The following SOS1 variants were observed in gnomAD, a reference collection of about 807,000 sequenced individuals.
SOS1 encodes the protein SOS Ras/Rac guanine nucleotide exchange factor 1.
A neutral mutation model predicts 157.6 loss-of-function variants in SOS1; 25 were observed. The ratio of observed to expected loss-of-function variants is 0.16; its 90% CI spans 0.12 to 0.22. SOS1 has a LOEUF of 0.22. Ranked by LOEUF, SOS1 falls within the 10% of genes least tolerant of loss-of-function variation. SOS1 has a pLI of 1.00. For missense variants in SOS1, 1,237 were observed against 1,599.1 expected, an observed-to-expected ratio of 0.77 and a Z score of 3.86; for synonymous variants, 528 against 534.0, an observed-to-expected ratio of 0.99 and a Z score of 0.16.
chr2:39,110,039 C>CGCGCGT (rs1553371510), intron 1 of SOS1, among the ~76,000 whole-genome samples: 1 of 135,420 alleles, frequency 7.4e-6, no homozygotes, highest in African/African-American at 2.9e-5. Flanking sequence ...TGTGTGTGTG[C>CGCGCGT]GTGTGTGTGT....
At chr2:39,104,950 G>A (rs1055840033) in intron 1 of SOS1, among the ~76,000 whole-genome samples, 2 of 152,196 alleles carry the variant, frequency 1.3e-5, no homozygotes, top group Admixed American at 6.5e-5. Flanking sequence ...CATTGTGAAT[G>A]TAATTAATGG....
rs1022905868 is a variant in SOS1, at chr2:38,983,815, G to C, written c.*2009C>G. ...TAAGTTGGCTCACATAAATACTGTT[G>C]AATGGATGGTCTTAGGGACACTTTG... On this transcript the variant is annotated 3_prime_UTR_variant, in exon 23 of 23. Coordinates refer to ENST00000402219, the MANE Select transcript of SOS1 (RefSeq NM_005633.4). 2 of 152,126 alleles carry C rather than the reference G, an allele frequency of 1.3e-5. No individual in the cohort carries two copies. Among genetic ancestry groups the C allele is most frequent in the African/African-American group, 4.8e-5 (2 of 41,436 alleles). 9.4% of individuals were successfully genotyped at this position (152,126 alleles called of 1,614,324 possible). A position where few individuals can be genotyped will look rare whatever the true frequency, so the allele number is the denominator to read the frequency against.
intron 6 of SOS1, among the ~76,000 whole-genome samples, chr2:39,048,253 C>CTG (rs918671919): frequency 6.6e-6 from 1 of 152,132 alleles, no homozygotes; most frequent in Non-Finnish European, 1.5e-5. Context: ...TTGAATAATA[C>CTG]TGTAGTTGGG....
intron 1 of SOS1, among the ~76,000 whole-genome samples, chr2:39,091,547 T>C (rs1672595820): frequency 1.3e-5 from 2 of 151,810 alleles, no homozygotes; most frequent in South Asian, 4.1e-4. Flanking sequence ...AAAAATGAAC[T>C]TAAACATAAC....
rs1324130215 is a variant in SOS1, at chr2:38,982,817, A to G, written c.*3007T>C. 6.6e-6 allele frequency: 1 copy of G among 152,154 alleles called. No individual in the cohort carries two copies. The highest frequency in any genetic ancestry group is 1.5e-5 in the Non-Finnish European group (1 of 68,004). 9.4% of individuals were successfully genotyped at this position (152,154 alleles called of 1,614,324 possible). On this transcript the variant is annotated 3_prime_UTR_variant, in exon 23 of 23. Coordinates refer to ENST00000402219, the MANE Select transcript of SOS1 (RefSeq NM_005633.4). Reference sequence around the variant, plus strand: ...ATACCAACTAATTTTTGGTTTACATAAGGTAATTTTTGATTTATGGAGGGA... The same window carrying G: ...ATACCAACTAATTTTTGGTTTACATGAGGTAATTTTTGATTTATGGAGGGA...
intron 17 of SOS1, among the ~76,000 whole-genome samples, chr2:39,003,019 G>A (rs1266401230): frequency 1.4e-5 from 2 of 147,550 alleles, no homozygotes; most frequent in African/African-American, 2.6e-5. Flanking sequence ...GAGCCAAGAT[G>A]GTGCCACTGT....
At chr2:39,105,241 C>T (rs1387156861) in intron 1 of SOS1, among the ~76,000 whole-genome samples, 5 of 151,750 alleles carry the variant, frequency 3.3e-5, no homozygotes, top group Non-Finnish European at 5.9e-5. Context: ...TTAAAAACAA[C>T]TTAAATTCTG....
At chr2:39,003,855 C>T (rs1669193137) in intron 17 of SOS1, among the ~76,000 whole-genome samples, 2 of 152,162 alleles carry the variant, frequency 1.3e-5, no homozygotes, top group South Asian at 4.1e-4. Context: ...GCACTGCTGA[C>T]TTTTTGGACT....
chr2:39,063,061 AT>A (rs1383376224), intron 2 of SOS1, among the ~76,000 whole-genome samples: 3 of 152,098 alleles, frequency 2.0e-5, no homozygotes, highest in Admixed American at 2.0e-4. Flanking sequence ...GATCAAAAAT[AT>A]TTTTTTAAAA....
rs556041665 is a variant in SOS1 at position 39,120,488 on chromosome 2, G to C, written c.-66C>G. The C allele has an allele frequency of 6.3e-5, 88 of 1,406,908 alleles. No individual in the cohort carries two copies. The African/African-American group carries it at 1.0e-3, about 17-fold the overall frequency. The allele number at this position is 1,406,908 out of a possible 1,614,324, so 87.2% of individuals were successfully genotyped here. ...GCGGCCGGGCCAGGGAGCCGCGAGA[G>C]GGCGAGCTCGCAGCGCGGAACAGGG... On this transcript the variant is annotated 5_prime_UTR_variant, in exon 1 of 23. Transcript: ENST00000402219.
rs1572796156 is a variant in SOS1, at chr2:38,986,049, A to T, written c.3777T>A (p.Pro1259=). The change falls in exon 23 of 23, where the codon CCT becomes CCA. Residue 1259 remains proline, a synonymous_variant. Transcript: ENST00000402219. The part of the protein sequence containing the change: ...FPNSPSPFTP[P]PPQTPSPHGT... ...CGTGAGGAGAAGGTGTTTGAGGAGG[A>T]GGTGGTGTAAAGGGGGAAGGGCTGT... 1 of 1,613,664 alleles carries T rather than the reference A, an allele frequency of 6.2e-7. No individual in the cohort carries two copies. Among genetic ancestry groups the T allele is most frequent in the South Asian group, 1.1e-5 (1 of 91,070 alleles).
chr2:39,089,817 T>C (rs1000668362), intron 1 of SOS1, among the ~76,000 whole-genome samples: 10 of 151,902 alleles, frequency 6.6e-5, no homozygotes, highest in South Asian at 2.1e-4. Flanking sequence ...ACTCTTTTTA[T>C]TGAAATAATC....
intron 1 of SOS1, among the ~76,000 whole-genome samples, chr2:39,088,506 G>T (rs1035369206): frequency 2.6e-5 from 4 of 151,836 alleles, no homozygotes; most frequent in Non-Finnish European, 4.4e-5. Flanking sequence ...TGCAGGCTCT[G>T]GAAACTACCA....
intron 1 of SOS1, among the ~76,000 whole-genome samples, chr2:39,104,395 T>C (rs1673086224): frequency 6.6e-6 from 1 of 152,210 alleles, no homozygotes; most frequent in Non-Finnish European, 1.5e-5. Flanking sequence ...ATATCATTAC[T>C]GGTTAGAGAA....
intron 6 of SOS1, among the ~76,000 whole-genome samples, chr2:39,041,116 T>A (rs1670554258): frequency 1.3e-5 from 2 of 152,108 alleles, no homozygotes; most frequent in African/African-American, 4.8e-5. Context: ...TGGAGTGCAA[T>A]CATGTGATTA....
rs1668511171 is a variant in SOS1 at position 38,985,041 on chromosome 2, AG to A, written c.*782del. The A allele has an allele frequency of 6.6e-6, 1 of 152,234 alleles. No homozygotes were observed. The highest frequency in any genetic ancestry group is 6.5e-5 in the Admixed American group (1 of 15,276). 9.4% of individuals were successfully genotyped at this position (152,234 alleles called of 1,614,324 possible). A position where few individuals can be genotyped will look rare whatever the true frequency, so the allele number is the denominator to read the frequency against. On this transcript the variant is annotated 3_prime_UTR_variant, in exon 23 of 23. Transcript: ENST00000402219. ...GATGAACAGTCTCCTAAATGCAAAT[AG>A]AATAGTTGACAGTTATTTTTTTTTA...
intron 8 of SOS1, among the ~76,000 whole-genome samples, chr2:39,031,988 A>G (rs1670174852): frequency 6.6e-6 from 1 of 152,178 alleles, no homozygotes; most frequent in Admixed American, 6.5e-5. Flanking sequence ...AGCAGCATTA[A>G]AGTCACACTA....
At chr2:39,049,050 T>C (rs766500081) in intron 6 of SOS1, among the ~76,000 whole-genome samples, 18 of 152,090 alleles carry the variant, frequency 1.2e-4, no homozygotes, top group Non-Finnish European at 2.4e-4. Context: ...CCCGAGTAGC[T>C]GGGATTACAG....
At chr2:39,088,866 A>C (rs1379505050) in intron 1 of SOS1, among the ~76,000 whole-genome samples, 1 of 152,140 alleles carries the variant, frequency 6.6e-6, no homozygotes, top group Admixed American at 6.6e-5. Flanking sequence ...TTCTATATTT[A>C]GTTTTTTGAT....
Sources: gnomAD v4.1 joint callset for allele counts (sites outside exome capture counted in the v4.1 genomes callset) on GRCh38, gnomAD v4.1.1 for gene constraint, MANE v1.5 for transcripts, NCBI Gene and HGNC (gene_info 2026-07-23, HGNC 2026-07-21) for gene names.